FLRT2: variants seen among roughly 807,000 people sequenced by gnomAD.
FLRT2 encodes fibronectin leucine rich transmembrane protein 2, also known as leucine-rich repeat transmembrane protein FLRT2.
FLRT2 carries 15 observed loss-of-function variants against 40.0 expected under a neutral mutation model. The ratio of observed to expected loss-of-function variants is 0.38; its 90% CI spans 0.25 to 0.58. FLRT2 has a LOEUF of 0.58. Among genes scored for constraint, FLRT2 ranks in the 20% least tolerant of loss-of-function variants. The pLI is 0.71. For synonymous variants in FLRT2, 380 were observed against 336.8 expected (o/e 1.13, Z -1.41); for missense variants, 726 against 840.0 (o/e 0.86, Z 1.68).
intron 1 of FLRT2, among the ~76,000 whole-genome samples, chr14:85,566,670 G>A (rs770508522): frequency 9.9e-5 from 15 of 151,148 alleles, no homozygotes; most frequent in Non-Finnish European, 1.8e-4. Context: ...TACATACGGT[G>A]GAATATACAA....
intron 1 of FLRT2, among the ~76,000 whole-genome samples, chr14:85,581,800 G>A (rs1046881663): frequency 1.3e-5 from 2 of 152,044 alleles, no homozygotes; most frequent in Non-Finnish European, 2.9e-5. Flanking sequence ...CTTGACCCAC[G>A]TTTCATTTGA....
At chr14:85,585,945 AT>A (rs1382802341) in intron 1 of FLRT2, among the ~76,000 whole-genome samples, 4 of 151,078 alleles carry the variant, frequency 2.6e-5, no homozygotes, top group African/African-American at 9.7e-5. Context: ...TTGGCTCTAC[AT>A]GCTTTTAATT....
Position 85,646,524 on chromosome 14 carries a change from G to T in FLRT2, c.*23027G>T, listed in dbSNP as rs1259721272. On this transcript the variant is annotated 3_prime_UTR_variant, in exon 2 of 2. Transcript: ENST00000330753. ...GTCCTCTTAGAAGAAGGTAAAAGTGGGTAGAATGGACCATAGTACTTGAAT... is the reference window on the plus strand; with the variant it reads ...GTCCTCTTAGAAGAAGGTAAAAGTGTGTAGAATGGACCATAGTACTTGAAT... 2.0e-5 allele frequency: 3 copies of T among 152,118 alleles called. No individual in the cohort carries two copies. Among genetic ancestry groups the T allele is most frequent in the Admixed American group, 6.6e-5 (1 of 15,258 alleles). 9.4% of individuals were successfully genotyped at this position (152,118 alleles called of 1,614,324 possible). A position where few individuals can be genotyped will look rare whatever the true frequency, so the allele number is the denominator to read the frequency against.
In FLRT2 at chr14:85,647,029, T is replaced by A. The variant is rs1258455237; in HGVS notation, c.*23532T>A. On this transcript the variant is annotated 3_prime_UTR_variant, in exon 2 of 2. Transcript: ENST00000330753. The stretch of plus-strand genomic sequence containing the variant: ...ATTACTTGATGAACAGCTATGAATG[T>A]TGTTTCTTTTTCTTAGACAAAGTGC... 1 of 152,272 alleles carries A rather than the reference T, an allele frequency of 6.6e-6. No homozygotes were observed. Among genetic ancestry groups the A allele is most frequent in the African/African-American group, 2.4e-5 (1 of 41,560 alleles). 9.4% of individuals were successfully genotyped at this position (152,272 alleles called of 1,614,324 possible). A position where few individuals can be genotyped will look rare whatever the true frequency, so the allele number is the denominator to read the frequency against.
rs10684274 is a variant in FLRT2 at position 85,570,561 on chromosome 14, TTTTATTTATTTA to T, written c.-377+40054_-377+40065del. Among the ~76,000 whole-genome samples, 127 of 139,296 alleles carry T rather than the reference TTTTATTTATTTA, an allele frequency of 9.1e-4. 1 individual carries two copies. Among genetic ancestry groups the T allele is most frequent in the African/African-American group, 2.5e-3 (92 of 37,090 alleles). 91.4% of individuals were successfully genotyped at this position (139,296 alleles called of 152,430 possible). On this transcript the variant is annotated intron_variant, in intron 1 of 1. Coordinates refer to ENST00000330753, the MANE Select transcript of FLRT2 (RefSeq NM_013231.6). ...TTTAAATTCTCCTTATTTTTATTTA[TTTTATTTATTTA>T]TTTATTTATTTATTTATTTATTTAT...
intron 1 of FLRT2, among the ~76,000 whole-genome samples, chr14:85,590,462 T>C (rs150464175): frequency 2.7e-4 from 41 of 152,354 alleles, no homozygotes; most frequent in African/African-American, 8.9e-4. Flanking sequence ...CATTGATGAA[T>C]ACTTCCTTTT....
At chr14:85,604,922 T>C (rs1892539781) in intron 1 of FLRT2, among the ~76,000 whole-genome samples, 1 of 152,142 alleles carries the variant, frequency 6.6e-6, no homozygotes, top group Admixed American at 6.5e-5. Context: ...GTCACTCCTG[T>C]TAGTGCCGAC....
intron 1 of FLRT2, among the ~76,000 whole-genome samples, chr14:85,534,340 C>G (rs1221634059): frequency 6.6e-6 from 1 of 152,204 alleles, no homozygotes; most frequent in Non-Finnish European, 1.5e-5. Flanking sequence ...CCTTCACACT[C>G]TCACCCGTTT....
Position 85,555,731 on chromosome 14 carries a change from A to ATTTTATTTTAT in FLRT2, c.-377+25201_-377+25202insATTTTATTTTT, listed in dbSNP as rs1256267797. Among the ~76,000 whole-genome samples, 324 of 135,630 alleles carry ATTTTATTTTAT rather than the reference A, an allele frequency of 2.4e-3. 1 individual carries two copies. The highest frequency in any genetic ancestry group is 8.1e-3 in the African/African-American group (317 of 39,054). 89.0% of individuals were successfully genotyped at this position (135,630 alleles called of 152,430 possible). A position where few individuals can be genotyped will look rare whatever the true frequency, so the allele number is the denominator to read the frequency against. ...ATTTTATTTTATTTTATTTTATTTTATTTTTTTAGAGATGAGGTCTCACCC... is the reference window on the plus strand; with the variant it reads ...ATTTTATTTTATTTTATTTTATTTTATTTTATTTTATTTTTTTTAGAGATGAGGTCTCACCC... On this transcript the variant is annotated intron_variant, in intron 1 of 1. Coordinates refer to ENST00000330753, the MANE Select transcript of FLRT2 (RefSeq NM_013231.6).
intron 1 of FLRT2, 88 bp from the exon 2 acceptor site, chr14:85,621,051 G>A (rs931120713): frequency 3.8e-5 from 6 of 159,292 alleles, no homozygotes; most frequent in Admixed American, 1.2e-4. Context: ...TCCCAATCTC[G>A]TTGTTTTTGA....
At chr14:85,591,159 A>G (rs1479494406) in intron 1 of FLRT2, among the ~76,000 whole-genome samples, 4 of 152,252 alleles carry the variant, frequency 2.6e-5, no homozygotes, top group African/African-American at 9.6e-5. Flanking sequence ...AAAAGCAAAT[A>G]TAATTTTTGG....
At position 85,642,940 on chromosome 14, in the gene FLRT2, TC is replaced by T. The variant is rs1285141999; in HGVS notation, c.*19445del. 1 of 152,216 alleles carries T rather than the reference TC, an allele frequency of 6.6e-6. No homozygotes were observed. Among genetic ancestry groups the T allele is most frequent in the Non-Finnish European group, 1.5e-5 (1 of 68,060 alleles). The allele number at this position is 152,216 out of a possible 1,614,324, so 9.4% of individuals were successfully genotyped here. On this transcript the variant is annotated 3_prime_UTR_variant, in exon 2 of 2. Coordinates refer to ENST00000330753, the MANE Select transcript of FLRT2 (RefSeq NM_013231.6). Reference sequence around the variant, plus strand: ...GCTTAAACAATAAACATTTATTACTTCCAATTCTTGAGGCTGTGAAGCCCAA... The same window carrying T: ...GCTTAAACAATAAACATTTATTACTTCAATTCTTGAGGCTGTGAAGCCCAA...
intron 1 of FLRT2, among the ~76,000 whole-genome samples, chr14:85,603,530 A>T (rs1331799557): frequency 1.3e-5 from 2 of 152,192 alleles, no homozygotes; most frequent in Non-Finnish European, 2.9e-5. Flanking sequence ...TTTCCTTTTC[A>T]TTCTTACCTT....
chr14:85,620,794 T>C (rs1384241626), intron 1 of FLRT2, among the ~76,000 whole-genome samples: 1 of 152,226 alleles, frequency 6.6e-6, no homozygotes, highest in East Asian at 1.9e-4. Context: ...TATCATTAAC[T>C]GATTGAGTGG....
intron 1 of FLRT2, among the ~76,000 whole-genome samples, chr14:85,580,825 A>G (rs1891354835): frequency 6.6e-6 from 1 of 152,132 alleles, no homozygotes. Context: ...TTTTACTTAT[A>G]TATCAAGGAG....
chr14:85,543,984 G>C (rs1889129808), intron 1 of FLRT2, among the ~76,000 whole-genome samples: 1 of 152,174 alleles, frequency 6.6e-6, no homozygotes, highest in Non-Finnish European at 1.5e-5. Flanking sequence ...GGTGCTAACA[G>C]AGTTGCCCAG....
chr14:85,607,099 G>T (rs1001888201), intron 1 of FLRT2, among the ~76,000 whole-genome samples: 1 of 151,876 alleles, frequency 6.6e-6, no homozygotes, highest in Non-Finnish European at 1.5e-5. Context: ...TTTTTATCCC[G>T]CTGGAGAAGA....
chr14:85,628,980 T>C lies in FLRT2; in HGVS notation c.*5483T>C, dbSNP rs1893800916. On this transcript the variant is annotated 3_prime_UTR_variant, in exon 2 of 2. Transcript: ENST00000330753. The stretch of plus-strand genomic sequence containing the variant: ...TGCGTTCTTAGCCAAATCAGGCAAA[T>C]CTTCTCCCTCACTATGTCCCTGAAG... The C allele has an allele frequency of 4.6e-5, 7 of 152,168 alleles. No individual in the cohort carries two copies. The highest frequency in any genetic ancestry group is 4.6e-4 in the Admixed American group (7 of 15,272). The allele number at this position is 152,168 out of a possible 1,614,324, so 9.4% of individuals were successfully genotyped here. A position where few individuals can be genotyped will look rare whatever the true frequency, so the allele number is the denominator to read the frequency against.
chr14:85,572,563 A>G (rs2139863260), intron 1 of FLRT2, among the ~76,000 whole-genome samples: 1 of 152,232 alleles, frequency 6.6e-6, no homozygotes, highest in East Asian at 1.9e-4. Context: ...TGATTATAAG[A>G]CAGTTATGTG....
Sources: allele counts gnomAD v4.1 joint callset (sites outside exome capture counted in the v4.1 genomes callset), GRCh38; gene constraint gnomAD v4.1.1; transcripts MANE v1.5; gene names NCBI Gene and HGNC (gene_info 2026-07-23, HGNC 2026-07-21).